SLC25A26: variants seen among roughly 807,000 people sequenced by gnomAD.
SLC25A26 encodes solute carrier family 25 member 26.
A neutral mutation model predicts 37.8 loss-of-function variants in SLC25A26; 36 were observed. The observed-to-expected ratio is 0.95, with a 90% CI of 0.73 to 1.26. The LOEUF is 1.26. Ranked by LOEUF, SLC25A26 falls within the 50% of genes most tolerant of loss-of-function variation. The pLI, the probability that SLC25A26 is intolerant of heterozygous loss-of-function variation, is 0.00. For missense variants in SLC25A26, 390 were observed against 331.1 expected (o/e 1.18, Z -1.38); for synonymous variants, 129 against 122.5 (o/e 1.05, Z -0.35).
intron 5 of SLC25A26, among the ~76,000 whole-genome samples, chr3:66,318,102 G>A (rs1274983781): frequency 6.6e-6 from 1 of 152,224 alleles, no homozygotes; most frequent in Non-Finnish European, 1.5e-5. Flanking sequence ...AGCTCTTGGG[G>A]TTCTGTGGGA....
chr3:66,186,633 T>C (rs2070833805), intron 1 of SLC25A26, among the ~76,000 whole-genome samples: 3 of 151,982 alleles, frequency 2.0e-5, no homozygotes, highest in Non-Finnish European at 4.4e-5. Flanking sequence ...TGAAAACAAT[T>C]GGGACCCTCA....
chr3:66,286,643 T>A (rs1035702695), intron 5 of SLC25A26, among the ~76,000 whole-genome samples: 1 of 152,160 alleles, frequency 6.6e-6, no homozygotes, highest in Non-Finnish European at 1.5e-5. Flanking sequence ...AAAGATGATG[T>A]TTTGATTTTC....
rs987150478 is a variant in SLC25A26 at position 66,349,676 on chromosome 3, T to G, written c.498+3268T>G. Among the ~76,000 whole-genome samples, 24 of 152,200 alleles carry G rather than the reference T, an allele frequency of 1.6e-4. No individual in the cohort carries two copies. In the South Asian group the frequency reaches 2.1e-3, roughly 13 times the overall value. ...TGTCGTAAGTATTTGCATATAGTAT[T>G]GGTATGGATGTAGGTTTTTACTTCT... On this transcript the variant is annotated intron_variant, in intron 6 of 9. Transcript: ENST00000354883.
chr3:66,256,159 A>T (rs144647635), intron 3 of SLC25A26, among the ~76,000 whole-genome samples: 46 of 151,846 alleles, frequency 3.0e-4, no homozygotes, highest in African/African-American at 1.0e-3. Flanking sequence ...TCTTTCTCTT[A>T]TTTTTTCTTA....
At chr3:66,271,033 A>G (rs961492659) in intron 5 of SLC25A26, among the ~76,000 whole-genome samples, 1 of 152,184 alleles carries the variant, frequency 6.6e-6, no homozygotes, top group Admixed American at 6.5e-5. Context: ...TGTAAATGCA[A>G]TAATATGATG....
chr3:66,338,453 A>G (rs2076138182), intron 5 of SLC25A26, among the ~76,000 whole-genome samples: 1 of 151,936 alleles, frequency 6.6e-6, no homozygotes, highest in Admixed American at 6.6e-5. Flanking sequence ...TGGTTTTCTC[A>G]GTCTTTTGAT....
At position 66,369,168 on chromosome 3, in the gene SLC25A26, G is replaced by A. The variant is rs1003525321; in HGVS notation, c.569-310G>A. Among the ~76,000 whole-genome samples, 33 of 152,020 alleles carry A rather than the reference G, an allele frequency of 2.2e-4. 1 individual carries two copies. Among genetic ancestry groups the A allele is most frequent in the Non-Finnish European group, 4.4e-5 (3 of 68,018 alleles). On this transcript the variant is annotated intron_variant, in intron 7 of 9. Coordinates refer to ENST00000354883, the MANE Select transcript of SLC25A26 (RefSeq NM_001379210.1). ...ATCTGGCCACATACATGTATGTCAT[G>A]TGTACACATTCATCATGTATGTAAA...
intron 3 of SLC25A26, among the ~76,000 whole-genome samples, chr3:66,254,427 C>G (rs1007307481): frequency 4.6e-5 from 7 of 152,186 alleles, no homozygotes; most frequent in African/African-American, 1.7e-4. Flanking sequence ...CTCCCTGACC[C>G]CCTGTCTTAC....
intron 1 of SLC25A26, among the ~76,000 whole-genome samples, chr3:66,185,840 G>T (rs913508069): frequency 2.6e-5 from 4 of 151,970 alleles, no homozygotes; most frequent in African/African-American, 9.7e-5. Context: ...CCCCTACCCT[G>T]TATCTAAATT....
intron 2 of SLC25A26, among the ~76,000 whole-genome samples, chr3:66,242,698 T>A (rs1010043943): frequency 4.9e-4 from 75 of 152,322 alleles, no homozygotes; most frequent in African/African-American, 1.7e-3. Flanking sequence ...AAATGGCTGA[T>A]TGTTTTCTTG....
chr3:66,341,159 ATC>A, intron 5 of SLC25A26, among the ~76,000 whole-genome samples: 1 of 152,250 alleles, frequency 6.6e-6, no homozygotes, highest in Non-Finnish European at 1.5e-5. Context: ...CTTATTCATG[ATC>A]TTAAGGGGAA....
chr3:66,274,919 A>G lies in SLC25A26; in HGVS notation c.453+11540A>G, dbSNP rs71308806. ...TTACTAGGTATATACCCAAAGGACT[A>G]TAAATCATGCTGCTATAAAGACACA... On this transcript the variant is annotated intron_variant, in intron 5 of 9. Transcript: ENST00000354883. Among the ~76,000 whole-genome samples the G allele has an allele frequency of 2.5e-3, 388 of 152,262 alleles. 2 individuals carry two copies. Among genetic ancestry groups the G allele is most frequent in the Non-Finnish European group, 4.3e-3 (293 of 68,012 alleles).
At chr3:66,242,425 T>A (rs142620026) in intron 2 of SLC25A26, among the ~76,000 whole-genome samples, 6,322 of 152,322 alleles carry the variant, frequency 0.042, 194 homozygotes, top group Middle Eastern at 0.088. Context: ...CACGTGAAGA[T>A]CCTTTACAAG....
chr3:66,284,534 C>A (rs1423284143), intron 5 of SLC25A26, among the ~76,000 whole-genome samples: 2 of 152,044 alleles, frequency 1.3e-5, no homozygotes, highest in Admixed American at 6.5e-5. Flanking sequence ...ATATGCATAT[C>A]AATATTGTTT....
At chr3:66,245,934 G>A (rs1310247338) in intron 3 of SLC25A26, among the ~76,000 whole-genome samples, 3 of 152,080 alleles carry the variant, frequency 2.0e-5, no homozygotes, top group Non-Finnish European at 2.9e-5. Flanking sequence ...TCTCCCCAAA[G>A]GAAGCTCTTA....
chr3:66,346,315 C>A (rs770023674), intron 5 of SLC25A26, 49 bp from the exon 6 acceptor site: 2 of 1,000,836 alleles, frequency 2.0e-6, no homozygotes, highest in Non-Finnish European at 1.5e-6. Context: ...TACAGGCAAA[C>A]TTGGCTCTTT....
intron 5 of SLC25A26, among the ~76,000 whole-genome samples, chr3:66,325,934 G>A (rs959486191): frequency 2.0e-5 from 3 of 152,158 alleles, no homozygotes; most frequent in African/African-American, 7.2e-5. Flanking sequence ...GAGATGAGTC[G>A]GGGTGTTGCA....
intron 5 of SLC25A26, among the ~76,000 whole-genome samples, chr3:66,314,543 T>C (rs1436589592): frequency 6.6e-6 from 1 of 152,206 alleles, no homozygotes; most frequent in Non-Finnish European, 1.5e-5. Flanking sequence ...AATTTTTACA[T>C]TGATGTTCAT....
upstream of SLC25A26, among the ~76,000 whole-genome samples, chr3:66,218,608 G>A (rs937945276): frequency 2.6e-5 from 4 of 152,266 alleles, no homozygotes; most frequent in East Asian, 5.8e-4. Flanking sequence ...AATAAATGTC[G>A]ATTACCTGTG....
Sources: allele counts gnomAD v4.1 joint callset (sites outside exome capture counted in the v4.1 genomes callset), GRCh38; gene constraint gnomAD v4.1.1; transcripts MANE v1.5; gene names NCBI Gene and HGNC (gene_info 2026-07-23, HGNC 2026-07-21).